Variants in RORA observed in about 807,000 individuals in gnomAD.
The protein encoded by RORA is RAR related orphan receptor A, also known as nuclear receptor ROR-alpha.
Under a neutral mutation model 69.5 loss-of-function variants are expected in RORA, and 7 were observed. The observed-to-expected ratio is 0.10, with a 90% CI of 0.06 to 0.19. The LOEUF is 0.19. RORA is among the 10% of genes least tolerant of loss of function. The pLI, the probability that RORA is intolerant of heterozygous loss-of-function variation, is 1.00. For synonymous variants in RORA, 261 were observed against 240.8 expected, an observed-to-expected ratio of 1.08 and a Z score of -0.78; for missense variants, 457 against 663.0, an observed-to-expected ratio of 0.69 and a Z score of 3.41.
rs527250511 is a variant in RORA at position 61,112,009 on chromosome 15, T to G, written c.166+117044A>C. 2.0e-5 allele frequency among the ~76,000 whole-genome samples: 3 copies of G among 152,266 alleles called. No homozygotes were observed. The South Asian group carries it at 6.2e-4, about 32-fold the overall frequency. ...GTGTGGGAGGTTGGGTTCACTGAAT[T>G]AGACAGTACCTGAGTAACTGTGCCA... On this transcript the variant is annotated intron_variant, in intron 1 of 10. Coordinates refer to ENST00000335670, the MANE Select transcript of RORA (RefSeq NM_134261.3).
chr15:60,521,068 T>C (rs2066148486), intron 3 of RORA, among the ~76,000 whole-genome samples: 1 of 152,026 alleles, frequency 6.6e-6, no homozygotes, highest in Non-Finnish European at 1.5e-5. Flanking sequence ...GGTACAGCAG[T>C]TGACATATAG....
At chr15:60,926,269 C>T (rs910047531) in intron 1 of RORA, among the ~76,000 whole-genome samples, 1 of 152,180 alleles carries the variant, frequency 6.6e-6, no homozygotes, top group Non-Finnish European at 1.5e-5. Context: ...GGAGCATAAC[C>T]TGGAAGGCAC....
At chr15:61,164,638 C>G (rs755022685) in intron 1 of RORA, among the ~76,000 whole-genome samples, 1 of 152,152 alleles carries the variant, frequency 6.6e-6, no homozygotes, top group Non-Finnish European at 1.5e-5. Flanking sequence ...CTGAGCAATG[C>G]TAGTTACATC....
chr15:60,728,993 TA>T (rs1567171292), intron 1 of RORA, among the ~76,000 whole-genome samples: 1 of 152,256 alleles, frequency 6.6e-6, no homozygotes, highest in African/African-American at 2.4e-5. Context: ...TACGTTGTTA[TA>T]TCCATAGGCG....
At chr15:60,502,920 G>A (rs766422738) in intron 7 of RORA, 53 bp from the exon 8 acceptor site, 62 of 1,191,026 alleles carry the variant, frequency 5.2e-5, no homozygotes, top group Non-Finnish European at 7.8e-5. Flanking sequence ...ATGTTAGTGA[G>A]TTTGTTTCTA....
intron 1 of RORA, among the ~76,000 whole-genome samples, chr15:60,914,435 C>G (rs1023614416): frequency 1.6e-4 from 25 of 152,166 alleles, no homozygotes; most frequent in Non-Finnish European, 3.4e-4. Context: ...GATCTATAGC[C>G]ATGACAAGAA....
chr15:60,979,276 T>TA (rs1555399169), intron 1 of RORA, among the ~76,000 whole-genome samples: 25 of 63,762 alleles, frequency 3.9e-4, no homozygotes, highest in South Asian at 1.5e-3. Context: ...TGCTTTTTTT[T>TA]TTTTTTTTTT....
At chr15:61,065,994 T>C (rs1335958372) in intron 1 of RORA, among the ~76,000 whole-genome samples, 3 of 152,240 alleles carry the variant, frequency 2.0e-5, no homozygotes, top group Non-Finnish European at 2.9e-5. Context: ...AACAACTGAA[T>C]CCCATGCTCA....
chr15:60,720,801 C>T (rs975878837), intron 1 of RORA, among the ~76,000 whole-genome samples: 1 of 152,182 alleles, frequency 6.6e-6, no homozygotes, highest in African/African-American at 2.4e-5. Flanking sequence ...TGACTAATAA[C>T]GGGCGGCTGT....
intron 1 of RORA, among the ~76,000 whole-genome samples, chr15:60,897,171 G>T (rs1025905228): frequency 6.6e-6 from 1 of 152,286 alleles, no homozygotes; most frequent in African/African-American, 2.4e-5. Context: ...ATAGAAAAGA[G>T]AGAAAGCCCT....
intron 1 of RORA, among the ~76,000 whole-genome samples, chr15:61,219,325 A>C (rs1274611327): frequency 1.3e-5 from 2 of 152,244 alleles, no homozygotes; most frequent in South Asian, 4.1e-4. Flanking sequence ...CTGTAATCCC[A>C]GCACTTTGGG....
intron 1 of RORA, among the ~76,000 whole-genome samples, chr15:61,062,491 G>C (rs1464247197): frequency 6.6e-6 from 1 of 152,126 alleles, no homozygotes; most frequent in Non-Finnish European, 1.5e-5. Flanking sequence ...TCAGAGGAGG[G>C]AAACTTTAGG....
At chr15:60,598,165 G>A (rs1360797473) in intron 2 of RORA, among the ~76,000 whole-genome samples, 1 of 152,134 alleles carries the variant, frequency 6.6e-6, no homozygotes, top group African/African-American at 2.4e-5. Flanking sequence ...AAGTGGAACT[G>A]CCATCACCAC....
intron 2 of RORA, among the ~76,000 whole-genome samples, chr15:60,643,850 G>A (rs1340537667): frequency 6.6e-6 from 1 of 152,158 alleles, no homozygotes; most frequent in Non-Finnish European, 1.5e-5. Context: ...ATCATTTGCT[G>A]GCTGTTCTAG....
intron 1 of RORA, among the ~76,000 whole-genome samples, chr15:61,215,051 T>C (rs1425883258): frequency 5.5e-5 from 8 of 144,450 alleles, no homozygotes; most frequent in African/African-American, 2.0e-4. Context: ...TTTTTTTTTT[T>C]TTTTTGTATT....
In RORA at chr15:60,761,481, G is replaced by A. The variant is rs561892327; in HGVS notation, c.167-82795C>T. 1.3e-4 allele frequency among the ~76,000 whole-genome samples: 20 copies of A among 152,220 alleles called. 1 individual carries two copies. The South Asian group carries it at 3.9e-3, about 30-fold the overall frequency. ...CAGCTAGTTCACAAGTTAAGAAAGA[G>A]CTGGGCAACTCTCTTTTATGATATG... On this transcript the variant is annotated intron_variant, in intron 1 of 10. Coordinates refer to ENST00000335670, the MANE Select transcript of RORA (RefSeq NM_134261.3).
chr15:60,823,922 T>A (rs2072925757), intron 1 of RORA, among the ~76,000 whole-genome samples: 1 of 152,224 alleles, frequency 6.6e-6, no homozygotes, highest in African/African-American at 2.4e-5. Flanking sequence ...GTGGCCAGCA[T>A]ATTAATACAT....
At chr15:61,183,198 C>G (rs545236409) in intron 1 of RORA, 1 of 152,230 alleles carries the variant, frequency 6.6e-6, no homozygotes, top group African/African-American at 2.4e-5. Flanking sequence ...GTTGCCTGTA[C>G]TATCTTTACA....
At chr15:61,142,101 T>C (rs1175875401) in intron 1 of RORA, among the ~76,000 whole-genome samples, 3 of 152,148 alleles carry the variant, frequency 2.0e-5, no homozygotes, top group African/African-American at 7.2e-5. Flanking sequence ...AATATAACAG[T>C]AACAATCTTA....
Sources: gnomAD v4.1 joint callset for allele counts (sites outside exome capture counted in the v4.1 genomes callset) on GRCh38, gnomAD v4.1.1 for gene constraint, MANE v1.5 for transcripts, NCBI Gene and HGNC (gene_info 2026-07-23, HGNC 2026-07-21) for gene names.